The following TTBK2 variants were observed in gnomAD, a reference collection of about 807,000 sequenced individuals.
TTBK2 encodes the protein tau-tubulin kinase 2.
TTBK2 carries 28 observed loss-of-function variants against 110.8 expected under a neutral mutation model. The observed-to-expected ratio is 0.25, with a 90% CI of 0.19 to 0.35. The LOEUF (loss-of-function observed/expected upper bound fraction) is 0.35, where lower values mean the gene tolerates loss of function less well. Among genes scored for constraint, TTBK2 ranks in the 10% least tolerant of loss-of-function variants. The pLI is 1.00. For missense variants in TTBK2, 1,369 were observed against 1,500.3 expected, an observed-to-expected ratio of 0.91 and a Z score of 1.45; for synonymous variants, 532 against 527.3, an observed-to-expected ratio of 1.01 and a Z score of -0.12.
intron 13 of TTBK2, among the ~76,000 whole-genome samples, chr15:42,763,084 TTA>T (rs373174591): frequency 0.038 from 4,099 of 108,472 alleles, 276 homozygotes; most frequent in African/African-American, 0.13. Context: ...GTTAACAATT[TTA>T]TATATATATA....
intron 4 of TTBK2, among the ~76,000 whole-genome samples, chr15:42,839,741 T>C (rs1893144417): frequency 6.6e-6 from 1 of 152,226 alleles, no homozygotes; most frequent in Admixed American, 6.5e-5. Context: ...GCCATATATA[T>C]GTCTTATTTT....
chr15:42,897,772 G>A (rs901624074), intron 1 of TTBK2, among the ~76,000 whole-genome samples: 1 of 151,570 alleles, frequency 6.6e-6, no homozygotes, highest in African/African-American at 2.4e-5. Context: ...AGATGTACAA[G>A]AGGTAACTGA....
intron 1 of TTBK2, among the ~76,000 whole-genome samples, chr15:42,915,527 A>G (rs2031032886): frequency 6.6e-6 from 1 of 152,230 alleles, no homozygotes; most frequent in Admixed American, 6.5e-5. Context: ...AATTATCTAT[A>G]GGGTAAGGTA....
chr15:42,810,762 G>A (rs1595935787), intron 8 of TTBK2, 23 bp from the exon 9 acceptor site: 8 of 1,612,966 alleles, frequency 5.0e-6, no homozygotes, highest in Non-Finnish European at 5.9e-6. Flanking sequence ...GAGAAAAAGA[G>A]CTACAGTCAA....
At chr15:42,797,951 T>G (rs2140881504) in intron 9 of TTBK2, among the ~76,000 whole-genome samples, 1 of 152,258 alleles carries the variant, frequency 6.6e-6, no homozygotes, top group East Asian at 1.9e-4. Flanking sequence ...TGGTGCGATC[T>G]CGGCTCACTG....
At chr15:42,771,131 G>A (rs986470846) in intron 13 of TTBK2, among the ~76,000 whole-genome samples, 1 of 151,872 alleles carries the variant, frequency 6.6e-6, no homozygotes, top group African/African-American at 2.4e-5. Flanking sequence ...CTGCCACCAC[G>A]CCTGGCTAGT....
intron 8 of TTBK2, 114 bp from the exon 9 acceptor site, chr15:42,810,853 T>A: frequency 8.0e-7 from 1 of 1,256,860 alleles, no homozygotes; most frequent in Non-Finnish European, 1.1e-6. Context: ...AGTGGGTAAT[T>A]AAGCATAAAG....
rs1445099123 is a variant in TTBK2 at position 42,894,338 on chromosome 15, G to T, written c.-67-15654C>A. Among the ~76,000 whole-genome samples the T allele has an allele frequency of 2.0e-5, 3 of 151,940 alleles. No individual in the cohort carries two copies. The East Asian group carries it at 5.8e-4, about 29-fold the overall frequency. On this transcript the variant is annotated intron_variant, in intron 1 of 14. Coordinates refer to ENST00000267890, the MANE Select transcript of TTBK2 (RefSeq NM_173500.4). ...TACAGGCCTAGATTTTTTTTCCAAT[G>T]GCAAATTCTACTAAACATTTAAAGA...
chr15:42,894,003 T>C (rs555477032), intron 1 of TTBK2, among the ~76,000 whole-genome samples: 5 of 152,268 alleles, frequency 3.3e-5, no homozygotes, highest in Non-Finnish European at 5.9e-5. Context: ...GTAGTTCCCA[T>C]AATCCCCCAC....
chr15:42,794,444 T>C (rs1890842050), intron 10 of TTBK2, among the ~76,000 whole-genome samples, 200 bp downstream of exon 10: 1 of 152,206 alleles, frequency 6.6e-6, no homozygotes, highest in African/African-American at 2.4e-5. Flanking sequence ...TAAGCTCCCA[T>C]TTCACAGTAT....
At chr15:42,870,561 T>C (rs1395488708) in intron 3 of TTBK2, among the ~76,000 whole-genome samples, 1 of 151,854 alleles carries the variant, frequency 6.6e-6, no homozygotes, top group Non-Finnish European at 1.5e-5. Context: ...TCTTTTCATC[T>C]TGTTAAAAAA....
Position 42,837,608 on chromosome 15 carries a change from G to A in TTBK2, c.291+2752C>T, listed in dbSNP as rs532539769. Reference sequence around the variant, plus strand: ...CAGGAGGTGGAAGTTGCAGTGAGCCGAGATTGTGCCACTGCACTCCTGCCC... The same window carrying A: ...CAGGAGGTGGAAGTTGCAGTGAGCCAAGATTGTGCCACTGCACTCCTGCCC... On this transcript the variant is annotated intron_variant, in intron 4 of 14. Coordinates refer to ENST00000267890, the MANE Select transcript of TTBK2 (RefSeq NM_173500.4). Among the ~76,000 whole-genome samples the A allele has an allele frequency of 1.1e-4, 15 of 142,742 alleles. No homozygotes were observed. In the East Asian group the frequency reaches 2.3e-3, roughly 22 times the overall value. 93.6% of individuals were successfully genotyped at this position (142,742 alleles called of 152,430 possible).
chr15:42,860,640 C>CTTTT (rs796405914), intron 3 of TTBK2, among the ~76,000 whole-genome samples: 215 of 101,928 alleles, frequency 2.1e-3, no homozygotes, highest in Non-Finnish European at 2.8e-3. Context: ...GGTATTCTTT[C>CTTTT]TTTTTTTTTT....
chr15:42,827,780 T>C (rs1892592732), intron 6 of TTBK2, 148 bp downstream of exon 6: 8 of 695,778 alleles, frequency 1.1e-5, no homozygotes, highest in Non-Finnish European at 1.4e-5. Context: ...ATAAAATTTA[T>C]TGTCATTCTA....
chr15:42,749,431 T>G (rs555825079), intron 14 of TTBK2, among the ~76,000 whole-genome samples: 1 of 152,336 alleles, frequency 6.6e-6, no homozygotes, highest in Non-Finnish European at 1.5e-5. Flanking sequence ...ATTTCAGATC[T>G]TAGCACAGTT....
chr15:42,847,741 T>C (rs183211619), intron 3 of TTBK2, among the ~76,000 whole-genome samples: 44 of 152,386 alleles, frequency 2.9e-4, no homozygotes, highest in Non-Finnish European at 1.3e-4. Context: ...GGTCAGCCTA[T>C]GTCCAAAATC....
intron 1 of TTBK2, among the ~76,000 whole-genome samples, chr15:42,918,344 G>A (rs2031195309): frequency 6.6e-6 from 1 of 152,110 alleles, no homozygotes; most frequent in Non-Finnish European, 1.5e-5. Context: ...TGGGATTACA[G>A]GCATGAGGTT....
intron 13 of TTBK2, among the ~76,000 whole-genome samples, chr15:42,762,045 C>T (rs1186094397): frequency 6.6e-6 from 1 of 152,194 alleles, no homozygotes; most frequent in African/African-American, 2.4e-5. Flanking sequence ...TTGCCTGCTG[C>T]CATCCATGTA....
intron 3 of TTBK2, among the ~76,000 whole-genome samples, chr15:42,846,390 C>T (rs1219081923): frequency 6.6e-6 from 1 of 151,888 alleles, no homozygotes; most frequent in African/African-American, 2.4e-5. Context: ...GGCTGATGGC[C>T]AGGCTGGTCT....
Sources: allele counts gnomAD v4.1 joint callset (sites outside exome capture counted in the v4.1 genomes callset), GRCh38; gene constraint gnomAD v4.1.1; transcripts MANE v1.5; gene names NCBI Gene and HGNC (gene_info 2026-07-23, HGNC 2026-07-21).